RIPK1: variants seen among roughly 807,000 people sequenced by gnomAD.
The protein encoded by RIPK1 is receptor interacting serine/threonine kinase 1.
In RIPK1, 27 loss-of-function variants were observed where a neutral mutation model predicts 62.4. The ratio of observed to expected loss-of-function variants is 0.43; its 90% confidence interval spans 0.32 to 0.60. RIPK1 has a LOEUF of 0.60. Among genes scored for constraint, RIPK1 ranks in the 20% least tolerant of loss-of-function variants. The pLI is 0.07. For missense variants in RIPK1, 735 were observed against 831.0 expected, an observed-to-expected ratio of 0.88 and a Z score of 1.42; for synonymous variants, 287 against 303.2, an observed-to-expected ratio of 0.95 and a Z score of 0.55.
intron 5 of RIPK1, among the ~76,000 whole-genome samples, chr6:3,083,744 C>T (rs1283488307): frequency 6.6e-6 from 1 of 152,118 alleles, no homozygotes; most frequent in East Asian, 1.9e-4. Context: ...TGTTGTCCTA[C>T]ATACTCTTCT....
In RIPK1 at chr6:3,090,808, A is replaced by G. The variant is rs866524417; in HGVS notation, c.915+1151A>G. ...TAACCGCAGAGCGCCTACCTGCCGCACCTAGTAACCGCAGCGCACCTACCT... is the reference window on the plus strand; with the variant it reads ...TAACCGCAGAGCGCCTACCTGCCGCGCCTAGTAACCGCAGCGCACCTACCT... On this transcript the variant is annotated intron_variant, in intron 7 of 10. Coordinates refer to ENST00000259808, the MANE Select transcript of RIPK1 (RefSeq NM_001354930.2). Among the ~76,000 whole-genome samples the G allele has an allele frequency of 9.4e-3, 1,304 of 139,080 alleles. 33 individuals carry two copies. Among genetic ancestry groups the G allele is most frequent in the African/African-American group, 0.028 (875 of 31,492 alleles). The allele number at this position is 139,080 out of a possible 152,430, so 91.2% of individuals were successfully genotyped here.
At chr6:3,076,255 T>C (rs988054430) in intron 1 of RIPK1, among the ~76,000 whole-genome samples, 2 of 152,194 alleles carry the variant, frequency 1.3e-5, no homozygotes, top group African/African-American at 4.8e-5. Flanking sequence ...GGAATAAATA[T>C]TATAGTCTTC....
chr6:3,077,757 A>G (rs757347978), intron 2 of RIPK1, 22 bp from the exon 3 acceptor site: 14 of 1,613,376 alleles, frequency 8.7e-6, no homozygotes, highest in Non-Finnish European at 1.2e-5. Context: ...CAGCCTCAGC[A>G]TAGCACCTTT....
Position 3,081,025 on chromosome 6 carries a change from T to A in RIPK1, c.368T>A (p.Ile123Asn). ...AAAGGAAGGATAATTTTGGAAATCATTGAAGGAATGTGCTACTTACATGGA... is the reference window on the plus strand; with the variant it reads ...AAAGGAAGGATAATTTTGGAAATCAATGAAGGAATGTGCTACTTACATGGA... ...SVKGRIILEI[I>N]EGMCYLHGKG... The change falls in exon 4 of 11, where the codon ATT (isoleucine) becomes AAT (asparagine). Residue 123 changes from isoleucine to asparagine, a missense_variant. Around this residue, in one of 2 missense-constraint regions of RIPK1, gnomAD observed 671 missense variants for 726.2 expected, o/e 0.92. Coordinates refer to ENST00000259808, the MANE Select transcript of RIPK1 (RefSeq NM_001354930.2). The A allele has an allele frequency of 1.2e-6, 2 of 1,614,102 alleles. No individual in the cohort carries two copies. The highest frequency in any genetic ancestry group is 4.5e-5 in the East Asian group (2 of 44,880).
In RIPK1 at chr6:3,105,953, T is replaced by C. The variant is rs775812209; in HGVS notation, c.1478T>C (p.Ile493Thr). 1.2e-6 allele frequency: 2 copies of C among 1,614,138 alleles called. No individual in the cohort carries two copies. Among genetic ancestry groups the C allele is most frequent in the Admixed American group, 3.3e-5 (2 of 60,018 alleles). ...GGTCCCAGAGTTTGGTACAGGCCAA[T>C]TCCAAGTCATATGCCTAGTCTGCAT... The part of the protein sequence containing the change: ...TAGPRVWYRP[I>T]PSHMPSLHNI... Residue 493 changes from isoleucine to threonine, a missense_variant, in exon 9 of 11, where the codon ATT becomes ACT. Ile to Thr is a moderately conservative substitution (Grantham distance 89). Around this residue, in one of 2 missense-constraint regions of RIPK1, gnomAD observed 671 missense variants for 726.2 expected, o/e 0.92. Coordinates refer to ENST00000259808, the MANE Select transcript of RIPK1 (RefSeq NM_001354930.2). The surrounding 1 kb of genome is among the most constrained non-coding windows in gnomAD (Gnocchi z 4.5).
rs748544347 is a variant in RIPK1, at chr6:3,105,565, G to C, written c.1090G>C (p.Glu364Gln). 1.2e-6 allele frequency: 2 copies of C among 1,613,152 alleles called. No homozygotes were observed. The highest frequency in any genetic ancestry group is 1.7e-5 in the Admixed American group (1 of 59,936). The stretch of plus-strand genomic sequence containing the variant: ...GGAGTCCTGGTTTGCTCCTTCCCTG[G>C]AGCACCCACAAGAAGAGAATGAGCC... ...VEESWFAPSL[E>Q]HPQEENEPSL... The change falls in exon 9 of 11, where the codon GAG (glutamate) becomes CAG (glutamine). Residue 364 changes from glutamate to glutamine, a missense_variant. Around this residue, in one of 2 missense-constraint regions of RIPK1, gnomAD observed 671 missense variants for 726.2 expected, o/e 0.92. Coordinates refer to ENST00000259808, the MANE Select transcript of RIPK1 (RefSeq NM_001354930.2). This position sits in a 1 kb window ranked among gnomAD's most constrained non-coding sequence, Gnocchi z 4.5.
At position 3,107,804 on chromosome 6, in the gene RIPK1, C is replaced by T. The variant is rs115021744; in HGVS notation, c.1576+1753C>T. ...CAGAAATCTCTTTGTGTTTTCACCT[C>T]GTTCTGGTTCCTGGTTCTGCCAGTG... On this transcript the variant is annotated intron_variant, in intron 9 of 10. Transcript: ENST00000259808. Among the ~76,000 whole-genome samples, 609 of 152,104 alleles carry T rather than the reference C, an allele frequency of 4.0e-3. 2 individuals are homozygous for T. The highest frequency in any genetic ancestry group is 0.014 in the African/African-American group (588 of 41,490).
intron 1 of RIPK1, among the ~76,000 whole-genome samples, chr6:3,075,122 G>C (rs1266279481): frequency 6.6e-6 from 1 of 152,176 alleles, no homozygotes; most frequent in Admixed American, 6.5e-5. Flanking sequence ...TTGCCACGAA[G>C]CTTTTTGCCA....
At chr6:3,082,669 T>A (rs1759455780) in intron 4 of RIPK1, among the ~76,000 whole-genome samples, 1 of 152,196 alleles carries the variant, frequency 6.6e-6, no homozygotes, top group Non-Finnish European at 1.5e-5. Flanking sequence ...AGGTGTAGTA[T>A]TTAGCCACTG....
intron 1 of RIPK1, among the ~76,000 whole-genome samples, chr6:3,073,143 C>T (rs4352722): frequency 0.38 from 58,052 of 151,516 alleles, 11,383 homozygotes; most frequent in African/African-American, 0.43. Flanking sequence ...TATACATATA[C>T]GTATATACAC....
chr6:3,072,419 T>C lies in RIPK1; in HGVS notation c.-61+3758T>C, dbSNP rs1758772627. On this transcript the variant is annotated intron_variant, in intron 1 of 10. Coordinates refer to ENST00000259808, the MANE Select transcript of RIPK1 (RefSeq NM_001354930.2). This position sits in a 1 kb window ranked among gnomAD's most constrained non-coding sequence, Gnocchi z 5.6. ...TATATATATATAAAACACACACAAA[T>C]GTGAATATAATTTTTACAGATTTAT... 6.6e-6 allele frequency among the ~76,000 whole-genome samples: 1 copy of C among 151,920 alleles called. No individual in the cohort carries two copies. The highest frequency in any genetic ancestry group is 2.1e-4 in the South Asian group (1 of 4,832).
chr6:3,083,757 G>C (rs1283122455), intron 5 of RIPK1, among the ~76,000 whole-genome samples: 1 of 151,986 alleles, frequency 6.6e-6, no homozygotes, highest in Non-Finnish European at 1.5e-5. Flanking sequence ...ACTCTTCTTG[G>C]GTGATCATCA....
At chr6:3,109,874 G>A (rs1171670732) in intron 9 of RIPK1, among the ~76,000 whole-genome samples, 1 of 152,144 alleles carries the variant, frequency 6.6e-6, no homozygotes, top group Non-Finnish European at 1.5e-5. Context: ...CATGTGAGTG[G>A]AACCATGCAG....
At position 3,105,149 on chromosome 6, in the gene RIPK1, G is replaced by A. The variant is rs1000902546; in HGVS notation, c.1007-333G>A. On this transcript the variant is annotated intron_variant, in intron 8 of 10. Coordinates refer to ENST00000259808, the MANE Select transcript of RIPK1 (RefSeq NM_001354930.2). This position sits in a 1 kb window ranked among gnomAD's most constrained non-coding sequence, Gnocchi z 4.5. ...TTACAGGCGTGAGCCACCGCACCCA[G>A]CCACAGATCTTATTTTCCACCTGAA... is the stretch of plus-strand genomic sequence containing the variant. 4.6e-5 allele frequency among the ~76,000 whole-genome samples: 7 copies of A among 152,206 alleles called. No individual in the cohort carries two copies. The highest frequency in any genetic ancestry group is 1.7e-4 in the African/African-American group (7 of 41,444).
chr6:3,108,810 G>A (rs1760471458), intron 9 of RIPK1, among the ~76,000 whole-genome samples: 1 of 152,146 alleles, frequency 6.6e-6, no homozygotes, highest in Admixed American at 6.5e-5. Context: ...GCGTGTGTGT[G>A]CACATCCTAT....
In RIPK1 at chr6:3,072,846, C is replaced by T. The variant is rs1432545344; in HGVS notation, c.-60-3918C>T. Among the ~76,000 whole-genome samples the T allele has an allele frequency of 6.6e-6, 1 of 152,096 alleles. No individual in the cohort carries two copies. The highest frequency in any genetic ancestry group is 1.5e-5 in the Non-Finnish European group (1 of 68,030). ...GGAAGGCTTCACAGTTCTGCCTGCT[C>T]CAGTGATGTGTAGTGAATGAAAAAG... On this transcript the variant is annotated intron_variant, in intron 1 of 10. Transcript: ENST00000259808. The surrounding 1 kb of genome is among the most constrained non-coding windows in gnomAD (Gnocchi z 5.6).
chr6:3,103,609 A>G (rs750211698), intron 7 of RIPK1, among the ~76,000 whole-genome samples: 7 of 152,192 alleles, frequency 4.6e-5, no homozygotes, highest in South Asian at 2.1e-4. Flanking sequence ...CTCTTTTCAT[A>G]GTATCCTTTG....
chr6:3,079,743 C>T (rs985132631), intron 3 of RIPK1, among the ~76,000 whole-genome samples: 9 of 152,180 alleles, frequency 5.9e-5, no homozygotes, highest in African/African-American at 1.7e-4. Flanking sequence ...ATCACTTATA[C>T]GCATGGTATT....
intron 3 of RIPK1, among the ~76,000 whole-genome samples, chr6:3,079,165 C>T (rs377054597): frequency 7.9e-5 from 12 of 152,218 alleles, no homozygotes; most frequent in African/African-American, 2.9e-4. Context: ...CTGCAACCTC[C>T]ACCTCCCTGG....
Sources: allele counts gnomAD v4.1 joint callset (sites outside exome capture counted in the v4.1 genomes callset), GRCh38; gene constraint gnomAD v4.1.1; regional missense constraint gnomAD v4.1.1; non-coding constraint Gnocchi (gnomAD v3.1); transcripts MANE v1.5; gene names NCBI Gene and HGNC (gene_info 2026-07-23, HGNC 2026-07-21).